The following TECPR2 variants were observed in gnomAD, a reference collection of about 807,000 sequenced individuals.
TECPR2 encodes tectonin beta-propeller repeat-containing protein 2.
TECPR2 carries 65 observed loss-of-function variants against 138.1 expected under a neutral mutation model. That is an observed-to-expected ratio of 0.47 (90% CI 0.39 to 0.58). The LOEUF (loss-of-function observed/expected upper bound fraction) is 0.58. TECPR2 is among the 20% of genes least tolerant of loss of function. The pLI, the probability that TECPR2 is intolerant of heterozygous loss-of-function variation, is 0.00. For synonymous variants in TECPR2, 746 were observed against 749.8 expected, an observed-to-expected ratio of 0.99 and a Z score of 0.08; for missense variants, 1,553 against 1,824.5, an observed-to-expected ratio of 0.85 and a Z score of 2.71.
rs1181596656 is a variant in TECPR2, at chr14:102,497,063, G to A, written c.3874G>A (p.Val1292Met). ...GCTTGACAGCAGGTGGAACGTGCAC[G>A]TGCGGACCGGGATCACCGAGGAGAT... The part of the protein sequence containing the change: ...WVLDSRWNVH[V>M]RTGITEEMPV... The change falls in exon 18 of 20, where the codon GTG becomes ATG. Residue 1292 changes from valine to methionine, a missense_variant. Physicochemically the swap from Val to Met is conservative, Grantham distance 21. Coordinates refer to ENST00000359520, the MANE Select transcript of TECPR2 (RefSeq NM_014844.5). 4 of 1,613,712 alleles carry A rather than the reference G, an allele frequency of 2.5e-6. No individual in the cohort carries two copies. The highest frequency in any genetic ancestry group is 3.4e-6 in the Non-Finnish European group (4 of 1,180,032).
intron 6 of TECPR2, among the ~76,000 whole-genome samples, chr14:102,427,511 C>T (rs1882484237): frequency 6.6e-6 from 1 of 152,202 alleles, no homozygotes; most frequent in Admixed American, 6.5e-5. Flanking sequence ...CATAGACTCT[C>T]CTTCTACAAC....
chr14:102,371,161 C>T (rs1887496891), intron 1 of TECPR2, among the ~76,000 whole-genome samples: 2 of 152,092 alleles, frequency 1.3e-5, no homozygotes, highest in South Asian at 4.1e-4. Flanking sequence ...TTGTGCAGTT[C>T]TTCCTCGGTG....
At chr14:102,400,797 G>T (rs531779560) in intron 2 of TECPR2, among the ~76,000 whole-genome samples, 3 of 152,124 alleles carry the variant, frequency 2.0e-5, no homozygotes. Context: ...ACTTTGGGAG[G>T]CCGAGGCGGG....
At chr14:102,477,741 A>T (rs35445787) in intron 17 of TECPR2, among the ~76,000 whole-genome samples, 129,775 of 129,776 alleles carry the variant, frequency 1, 64,887 homozygotes, top group Non-Finnish European at 1. Flanking sequence ...TTTGTATTTT[A>T]TGTTGATACA....
At chr14:102,401,804 CAAAAAAAAA>C (rs34413626) in intron 2 of TECPR2, among the ~76,000 whole-genome samples, 1 of 68,946 alleles carries the variant, frequency 1.5e-5, no homozygotes, top group African/African-American at 5.6e-5. Flanking sequence ...GACTCCGTCT[CAAAAAAAAA>C]AAAAAAAAAA....
intron 9 of TECPR2, among the ~76,000 whole-genome samples, chr14:102,436,288 A>G (rs1008103311): frequency 1.5e-4 from 23 of 150,690 alleles, no homozygotes; most frequent in Admixed American, 3.3e-4. Flanking sequence ...ACAAAACGCC[A>G]TAAGTCTGGC....
chr14:102,423,674 G>A (rs974317231), intron 5 of TECPR2, among the ~76,000 whole-genome samples: 11 of 152,020 alleles, frequency 7.2e-5, no homozygotes, highest in African/African-American at 1.7e-4. Context: ...CGAAGACATC[G>A]CCTAATGACA....
chr14:102,409,290 A>G (rs764842268), intron 4 of TECPR2, among the ~76,000 whole-genome samples: 1 of 151,480 alleles, frequency 6.6e-6, no homozygotes, highest in Non-Finnish European at 1.5e-5. Context: ...CTAGAGCACT[A>G]TAGGAATTCA....
intron 2 of TECPR2, among the ~76,000 whole-genome samples, chr14:102,402,296 C>T (rs72698597): frequency 0.26 from 39,961 of 151,816 alleles, 6,116 homozygotes; most frequent in East Asian, 0.47. Context: ...TCTTAGTCAA[C>T]CAAAGGGTAA....
intron 9 of TECPR2, among the ~76,000 whole-genome samples, 198 bp downstream of exon 9, chr14:102,435,409 C>G (rs1007140734): frequency 1.3e-5 from 2 of 152,182 alleles, no homozygotes; most frequent in Non-Finnish European, 2.9e-5. Flanking sequence ...TACTTCTGAC[C>G]TGTTCTACCC....
intron 5 of TECPR2, among the ~76,000 whole-genome samples, chr14:102,423,698 T>A (rs182734661): frequency 2.3e-4 from 35 of 152,272 alleles, no homozygotes; most frequent in Non-Finnish European, 4.9e-4. Flanking sequence ...TTCTCAAACA[T>A]CCCTGTCACT....
intron 17 of TECPR2, among the ~76,000 whole-genome samples, chr14:102,474,329 G>T (rs567413235): frequency 7.3e-5 from 11 of 151,466 alleles, no homozygotes; most frequent in African/African-American, 2.4e-4. Context: ...CTACAACAAA[G>T]GTGACTGTTA....
At chr14:102,414,144 C>G (rs893389848) in intron 4 of TECPR2, among the ~76,000 whole-genome samples, 5 of 151,990 alleles carry the variant, frequency 3.3e-5, no homozygotes, top group African/African-American at 9.7e-5. Context: ...TGCTTTGAAC[C>G]CTTTGTGAGG....
chr14:102,438,237 TGCTCCCGCTCGCC>T (rs766979758), intron 10 of TECPR2, 32 bp downstream of exon 10: 27 of 1,139,870 alleles, frequency 2.4e-5, no homozygotes, highest in Non-Finnish European at 3.4e-5. Flanking sequence ...TCCCGCTCCC[TGCTCCCGCTCGCC>T]GCTCCTGCTC....
At chr14:102,414,964 C>T (rs990143255) in intron 5 of TECPR2, among the ~76,000 whole-genome samples, 171 bp downstream of exon 5, 2 of 152,136 alleles carry the variant, frequency 1.3e-5, no homozygotes, top group African/African-American at 4.8e-5. Context: ...ATTTCTCCTC[C>T]CAGAGGCAGA....
chr14:102,427,019 G>A (rs116861569), intron 6 of TECPR2, among the ~76,000 whole-genome samples: 193 of 152,058 alleles, frequency 1.3e-3, no homozygotes, highest in Non-Finnish European at 2.4e-3. Context: ...AACTAGACTC[G>A]ACTCTTCTAG....
Position 102,497,586 on chromosome 14 carries a change from G to A in TECPR2, c.3948G>A (p.Gln1316=). ...WEHVPGLQAC[Q]LALSTRTVWA... is the part of the protein sequence containing the mutation. ...TGCCCACAGGGTTGCAGGCCTGCCA[G>A]CTGGCGCTGAGCACCAGGACCGTGT... The change falls in exon 19 of 20, where the codon CAG becomes CAA. Residue 1316 remains glutamine (Q), a synonymous_variant. Transcript: ENST00000359520. 6.2e-7 allele frequency: 1 copy of A among 1,602,350 alleles called. No individual in the cohort carries two copies. Among genetic ancestry groups the A allele is most frequent in the Non-Finnish European group, 8.5e-7 (1 of 1,173,882 alleles).
chr14:102,487,805 T>C (rs1165715621), intron 17 of TECPR2, among the ~76,000 whole-genome samples: 18 of 150,920 alleles, frequency 1.2e-4, no homozygotes, highest in Non-Finnish European at 5.9e-5. Flanking sequence ...CCTCCCAAAC[T>C]GCTGGGATTA....
At chr14:102,439,499 T>A (rs1037817803) in intron 10 of TECPR2, among the ~76,000 whole-genome samples, 4 of 152,260 alleles carry the variant, frequency 2.6e-5, no homozygotes, top group African/African-American at 7.2e-5. Flanking sequence ...CACAGTTGTG[T>A]GTTTTAATTC....
Sources: allele counts gnomAD v4.1 joint callset (sites outside exome capture counted in the v4.1 genomes callset), GRCh38; gene constraint gnomAD v4.1.1; transcripts MANE v1.5; gene names NCBI Gene and HGNC (gene_info 2026-07-23, HGNC 2026-07-21).